Variants in OLFM4 observed in about 807,000 individuals in gnomAD.
The protein encoded by OLFM4 is olfactomedin 4, also known as olfactomedin-4.
OLFM4 carries 22 observed loss-of-function variants against 25.5 expected under a neutral mutation model. The ratio of observed to expected loss-of-function variants is 0.86; its 90% CI spans 0.62 to 1.23. The LOEUF (loss-of-function observed/expected upper bound fraction) is 1.23. Ranked by LOEUF, OLFM4 falls within the 50% of genes most tolerant of loss-of-function variation. The pLI, the probability that OLFM4 is intolerant of heterozygous loss-of-function variation, is 0.00. For synonymous variants in OLFM4, 255 were observed against 237.7 expected (o/e 1.07, Z -0.67); for missense variants, 594 against 619.4 (o/e 0.96, Z 0.44).
In OLFM4 at chr13:53,028,941, C is replaced by T; in HGVS notation, c.105C>T (p.Ser35=). 6.2e-7 allele frequency: 1 copy of T among 1,614,244 alleles called. No homozygotes were observed. Among genetic ancestry groups the T allele is most frequent in the Non-Finnish European group, 8.5e-7 (1 of 1,180,044 alleles). The change falls in exon 1 of 5, where the codon AGC becomes AGT. Residue 35 remains serine, a synonymous_variant. Coordinates refer to ENST00000219022, the MANE Select transcript of OLFM4 (RefSeq NM_006418.5). ...CTCCAATTCCCAGCCCCGGCTTCAGCTCTTTCCCAGGTGTTGACTCCAGCT... is the reference window on the plus strand; with the variant it reads ...CTCCAATTCCCAGCCCCGGCTTCAGTTCTTTCCCAGGTGTTGACTCCAGCT... ...VGPPIPSPGF[S]SFPGVDSSSS...
At chr13:53,032,343 A>ATT (rs143393987) in intron 1 of OLFM4, among the ~76,000 whole-genome samples, 17 of 150,812 alleles carry the variant, frequency 1.1e-4, no homozygotes, top group Middle Eastern at 6.8e-3. Flanking sequence ...GCAATGCAAG[A>ATT]TTTTTTTTTT....
Position 53,042,060 on chromosome 13 carries a change from G to T in OLFM4, c.508G>T (p.Val170Phe). The change falls in exon 3 of 5, where the codon GTC (valine) becomes TTC (phenylalanine). Residue 170 changes from valine (V) to phenylalanine (F), a missense_variant. Val to Phe is a conservative substitution (Grantham distance 50). Coordinates refer to ENST00000219022, the MANE Select transcript of OLFM4 (RefSeq NM_006418.5). ...KVEVKEMEKL[V>F]IQLKESFGGS... ...AGAAGTGAAGGAGATGGAAAAACTG[G>T]TCATACAGCTGAAGGAGAGTTTTGG... 4 of 1,614,026 alleles carry T rather than the reference G, an allele frequency of 2.5e-6. No individual in the cohort carries two copies. Among genetic ancestry groups the T allele is most frequent in the Non-Finnish European group, 3.4e-6 (4 of 1,179,958 alleles).
In OLFM4 at chr13:53,043,269, G is replaced by A; in HGVS notation, c.730+5G>A. Reference sequence around the variant, plus strand: ...TCCACCCTCCTCCCACTCCAGGTAAGCATGCCAGTTTTTTTAACCACTTGT... The same window carrying A: ...TCCACCCTCCTCCCACTCCAGGTAAACATGCCAGTTTTTTTAACCACTTGT... On this transcript the variant is annotated splice_donor_5th_base_variant and intron_variant, in intron 4 of 4. Coordinates refer to ENST00000219022, the MANE Select transcript of OLFM4 (RefSeq NM_006418.5). 1.3e-6 allele frequency: 2 copies of A among 1,589,592 alleles called. No homozygotes were observed. The highest frequency in any genetic ancestry group is 1.1e-5 in the South Asian group (1 of 87,172).
rs1368129028 is a variant in OLFM4, at chr13:53,043,095, A to G, written c.571-10A>G. On this transcript the variant is annotated splice_polypyrimidine_tract_variant and intron_variant, in intron 3 of 4. Coordinates refer to ENST00000219022, the MANE Select transcript of OLFM4 (RefSeq NM_006418.5). ...TAATATAAAGTCACTCTGAATTTTTATTTCCTTAGATAAGAAATATGACTC... is the reference window on the plus strand; with the variant it reads ...TAATATAAAGTCACTCTGAATTTTTGTTTCCTTAGATAAGAAATATGACTC... 6.4e-7 allele frequency: 1 copy of G among 1,573,992 alleles called. No individual in the cohort carries two copies. Among genetic ancestry groups the G allele is most frequent in the Non-Finnish European group, 8.6e-7 (1 of 1,163,964 alleles).
chr13:53,039,783 A>G (rs1954678164), intron 2 of OLFM4, among the ~76,000 whole-genome samples: 1 of 152,200 alleles, frequency 6.6e-6, no homozygotes, highest in African/African-American at 2.4e-5. Context: ...CCTCCGAGTT[A>G]TGGTACATCC....
At chr13:53,046,942 A>G (rs758297090) in intron 4 of OLFM4, among the ~76,000 whole-genome samples, 5 of 152,196 alleles carry the variant, frequency 3.3e-5, no homozygotes, top group Non-Finnish European at 7.3e-5. Flanking sequence ...AGCTGCTCTA[A>G]CAGAGAGGTG....
rs148997626 is a variant in OLFM4 at position 53,041,995 on chromosome 13, C to G, written c.443C>G (p.Thr148Ser). Reference protein sequence around the residue: ...TVRIDIMEKDTISYTELDFEL... With the variant: ...TVRIDIMEKDSISYTELDFEL... ...CGAATTGACATCATGGAGAAGGATA[C>G]CATTTCTTACACTGAACTGGACTTC... The change falls in exon 3 of 5, where the codon ACC becomes AGC. Residue 148 changes from threonine to serine, a missense_variant. Thr to Ser is a moderately conservative substitution (Grantham distance 58, BLOSUM62 1). Coordinates refer to ENST00000219022, the MANE Select transcript of OLFM4 (RefSeq NM_006418.5). 7.4e-6 allele frequency: 12 copies of G among 1,613,722 alleles called. No homozygotes were observed. Among genetic ancestry groups the G allele is most frequent in the Admixed American group, 1.7e-5 (1 of 59,972 alleles).
At chr13:53,037,208 A>G (rs1194235108) in intron 2 of OLFM4, among the ~76,000 whole-genome samples, 1 of 152,232 alleles carries the variant, frequency 6.6e-6, no homozygotes, top group Non-Finnish European at 1.5e-5. Context: ...GCCTCTGCAT[A>G]AGATGCTGAA....
At chr13:53,039,163 G>A (rs1291289469) in intron 2 of OLFM4, among the ~76,000 whole-genome samples, 1 of 152,198 alleles carries the variant, frequency 6.6e-6, no homozygotes, top group Admixed American at 6.5e-5. Flanking sequence ...CAACAGCTGC[G>A]ATGTGCCACC....
At position 53,051,346 on chromosome 13, in the gene OLFM4, T is replaced by C. The variant is rs1361436671; in HGVS notation, c.*575T>C. 1 of 152,214 alleles carries C rather than the reference T, an allele frequency of 6.6e-6. No homozygotes were observed. The highest frequency in any genetic ancestry group is 1.9e-4 in the East Asian group (1 of 5,188). 9.4% of individuals were successfully genotyped at this position (152,214 alleles called of 1,614,324 possible). The stretch of plus-strand genomic sequence containing the variant: ...TATATATTCTACATCTGTAAAGTGC[T>C]GAGTTTTATGGAGAGAGGCCTTTTT... On this transcript the variant is annotated 3_prime_UTR_variant, in exon 5 of 5. Coordinates refer to ENST00000219022, the MANE Select transcript of OLFM4 (RefSeq NM_006418.5).
intron 3 of OLFM4, 43 bp from the exon 4 acceptor site, chr13:53,043,062 T>C (rs1361477801): frequency 8.1e-6 from 12 of 1,479,774 alleles, no homozygotes; most frequent in South Asian, 1.3e-5. Flanking sequence ...ATGAAAGAAA[T>C]TGCACCATAA....
Position 53,043,156 on chromosome 13 carries a change from A to C in OLFM4, c.622A>C (p.Asn208His), listed in dbSNP as rs756131102. The C allele has an allele frequency of 1.5e-5, 25 of 1,613,096 alleles. No individual in the cohort carries two copies. Among genetic ancestry groups the C allele is most frequent in the Admixed American group, 1.3e-4 (8 of 59,762 alleles). ...VEKLETLDKNNVLAIRREIVA... is the reference protein window; with the variant it reads ...VEKLETLDKNHVLAIRREIVA... ...GAAGCTTGAGACACTAGACAAAAACAATGTCCTTGCCATTCGCCGAGAAAT... is the reference window on the plus strand; with the variant it reads ...GAAGCTTGAGACACTAGACAAAAACCATGTCCTTGCCATTCGCCGAGAAAT... The change falls in exon 4 of 5, where the codon AAT becomes CAT. Residue 208 changes from asparagine (N) to histidine (H), a missense_variant. By Grantham distance (68) the Asn-to-His change is moderately conservative (BLOSUM62 1). Coordinates refer to ENST00000219022, the MANE Select transcript of OLFM4 (RefSeq NM_006418.5).
At chr13:53,041,281 C>T (rs1424237444) in intron 2 of OLFM4, among the ~76,000 whole-genome samples, 1 of 152,138 alleles carries the variant, frequency 6.6e-6, no homozygotes, top group East Asian at 1.9e-4. Flanking sequence ...CCATGGAATA[C>T]TTTGCAACCA....
chr13:53,031,053 T>A (rs2138229801), intron 1 of OLFM4, among the ~76,000 whole-genome samples: 1 of 152,252 alleles, frequency 6.6e-6, no homozygotes, highest in East Asian at 1.9e-4. Context: ...AAAATACAGA[T>A]CAAGAAACAG....
chr13:53,028,992 G>C lies in OLFM4; in HGVS notation c.156G>C (p.Ser52=), dbSNP rs749255901. The C allele has an allele frequency of 1.2e-6, 2 of 1,614,062 alleles. No individual in the cohort carries two copies. Among genetic ancestry groups the C allele is most frequent in the South Asian group, 1.1e-5 (1 of 91,082 alleles). The change falls in exon 1 of 5, where the codon TCG becomes TCC. Residue 52 remains serine, a synonymous_variant. Coordinates refer to ENST00000219022, the MANE Select transcript of OLFM4 (RefSeq NM_006418.5). The part of the protein sequence containing the change: ...SSSSFSSSSR[S]GSSSSRSLGS... Reference sequence around the variant, plus strand: ...CCAGCTTCAGCTCCAGCTCCAGGTCGGGCTCCAGCTCCAGCCGCAGCTTAG... The same window carrying C: ...CCAGCTTCAGCTCCAGCTCCAGGTCCGGCTCCAGCTCCAGCCGCAGCTTAG...
At chr13:53,043,049 T>C (rs1566318769) in intron 3 of OLFM4, 56 bp from the exon 4 acceptor site, 13 of 1,399,700 alleles carry the variant, frequency 9.3e-6, no homozygotes, top group Admixed American at 2.3e-5. Flanking sequence ...CCCTGGAATG[T>C]TTATGAAAGA....
Position 53,028,974 on chromosome 13 carries a change from C to T in OLFM4, c.138C>T (p.Phe46=), listed in dbSNP as rs1040759268. 3.1e-6 allele frequency: 5 copies of T among 1,613,974 alleles called. No individual in the cohort carries two copies. The highest frequency in any genetic ancestry group is 1.6e-4 in the Middle Eastern group (1 of 6,082). The change falls in exon 1 of 5, where the codon TTC becomes TTT. Residue 46 remains phenylalanine, a synonymous_variant. Transcript: ENST00000219022. ...SFPGVDSSSS[F]SSSSRSGSSS... is the part of the protein sequence containing the mutation. ...CAGGTGTTGACTCCAGCTCCAGCTTCAGCTCCAGCTCCAGGTCGGGCTCCA... is the reference window on the plus strand; with the variant it reads ...CAGGTGTTGACTCCAGCTCCAGCTTTAGCTCCAGCTCCAGGTCGGGCTCCA...
intron 2 of OLFM4, among the ~76,000 whole-genome samples, chr13:53,038,780 C>T (rs1954672654): frequency 6.6e-6 from 1 of 152,220 alleles, no homozygotes; most frequent in Non-Finnish European, 1.5e-5. Flanking sequence ...TCAGCATTGT[C>T]CACGCATTCC....
chr13:53,039,333 C>T (rs1954675564), intron 2 of OLFM4, among the ~76,000 whole-genome samples: 1 of 152,160 alleles, frequency 6.6e-6, no homozygotes, highest in Non-Finnish European at 1.5e-5. Context: ...GTTTTGTAGA[C>T]ACTGGAACCT....
Sources: gnomAD v4.1 joint callset for allele counts (sites outside exome capture counted in the v4.1 genomes callset) on GRCh38, gnomAD v4.1.1 for gene constraint, MANE v1.5 for transcripts, NCBI Gene and HGNC (gene_info 2026-07-23, HGNC 2026-07-21) for gene names.